SGCZ: variants seen among roughly 807,000 people sequenced by gnomAD.
SGCZ encodes zeta-sarcoglycan.
SGCZ carries 40 observed loss-of-function variants against 41.3 expected under a neutral mutation model. The observed-to-expected ratio is 0.97, with a 90% CI of 0.75 to 1.26. The LOEUF (loss-of-function observed/expected upper bound fraction) is 1.26, where lower values mean the gene tolerates loss of function less well. Ranked by LOEUF, SGCZ falls within the 50% of genes most tolerant of loss-of-function variation. The pLI is 0.00. For missense variants in SGCZ, 552 were observed against 369.8 expected (o/e 1.49, Z -4.04); for synonymous variants, 206 against 137.5 (o/e 1.50, Z -3.49).
chr8:15,209,312 T>C (rs1044847149), intron 1 of SGCZ, among the ~76,000 whole-genome samples: 4 of 152,080 alleles, frequency 2.6e-5, no homozygotes, highest in Non-Finnish European at 5.9e-5. Flanking sequence ...GAGAATTCTC[T>C]TGTAAGAGAC....
intron 4 of SGCZ, among the ~76,000 whole-genome samples, chr8:14,225,468 T>C (rs1181046285): frequency 7.1e-6 from 1 of 141,152 alleles, no homozygotes; most frequent in Non-Finnish European, 1.6e-5. Context: ...ACTTAGTGTT[T>C]TTAAAATACC....
chr8:14,996,741 T>C (rs78747048), intron 1 of SGCZ, among the ~76,000 whole-genome samples: 3,366 of 152,284 alleles, frequency 0.022, 143 homozygotes, highest in African/African-American at 0.076. Context: ...TCCAAGGTCT[T>C]GGTTGTCCGT....
chr8:14,892,702 T>C, intron 1 of SGCZ, among the ~76,000 whole-genome samples: 1 of 152,192 alleles, frequency 6.6e-6, no homozygotes, highest in East Asian at 1.9e-4. Context: ...AAAATTATGA[T>C]CAACACTTTT....
At chr8:15,191,368 C>G (rs1018508129) in intron 1 of SGCZ, among the ~76,000 whole-genome samples, 1 of 151,992 alleles carries the variant, frequency 6.6e-6, no homozygotes. Context: ...AAACTTGTAA[C>G]AAATGATGTA....
intron 2 of SGCZ, among the ~76,000 whole-genome samples, chr8:14,465,980 C>T (rs150777284): frequency 5.9e-5 from 9 of 151,878 alleles, no homozygotes. Context: ...ATGTACAAAA[C>T]AAACAGTAGA....
At chr8:14,753,174 C>G (rs764793852) in intron 1 of SGCZ, among the ~76,000 whole-genome samples, 3 of 152,144 alleles carry the variant, frequency 2.0e-5, no homozygotes, top group Non-Finnish European at 4.4e-5. Flanking sequence ...GATACTTGGC[C>G]TGTTTCTTCC....
chr8:15,076,750 TC>T lies in SGCZ; in HGVS notation c.39+160834del, dbSNP rs1479354838. Among the ~76,000 whole-genome samples, 89 of 139,336 alleles carry T rather than the reference TC, an allele frequency of 6.4e-4. 2 individuals are homozygous for T. Among genetic ancestry groups the T allele is most frequent in the African/African-American group, 2.5e-3 (84 of 33,520 alleles). The allele number at this position is 139,336 out of a possible 152,430, so 91.4% of individuals were successfully genotyped here. On this transcript the variant is annotated intron_variant, in intron 1 of 7. Coordinates refer to ENST00000382080, the MANE Select transcript of SGCZ (RefSeq NM_139167.4). ...CACTCAAGGAACTTAAATAAGTCTC[TC>T]TCATTTTTTTTTTTTTTTTGCTTCC...
chr8:14,277,137 T>C (rs925669840), intron 3 of SGCZ, among the ~76,000 whole-genome samples: 4 of 152,194 alleles, frequency 2.6e-5, no homozygotes, highest in African/African-American at 7.2e-5. Context: ...TCTGGTTTCC[T>C]CTCACATATT....
chr8:14,279,838 AT>A (rs150264255), intron 3 of SGCZ, among the ~76,000 whole-genome samples: 18 of 149,912 alleles, frequency 1.2e-4, no homozygotes, highest in Admixed American at 1.3e-4. Flanking sequence ...TTCATGCTCC[AT>A]TTTTTTTTTC....
At chr8:14,356,307 G>C (rs140012597) in intron 2 of SGCZ, among the ~76,000 whole-genome samples, 2 of 152,166 alleles carry the variant, frequency 1.3e-5, no homozygotes, top group East Asian at 3.9e-4. Context: ...AAGAGCCTCT[G>C]TGTATCAGTT....
rs538026255 is a variant in SGCZ at position 15,078,765 on chromosome 8, TATA to T, written c.39+158817_39+158819del. ...CACATACATATATATACTTATCCAC[TATA>T]TGGTCTTTGACTTATCTGGATTTCC... On this transcript the variant is annotated intron_variant, in intron 1 of 7. Transcript: ENST00000382080. 1.8e-3 allele frequency among the ~76,000 whole-genome samples: 274 copies of T among 152,210 alleles called. 1 individual carries two copies. Among genetic ancestry groups the T allele is most frequent in the African/African-American group, 6.2e-3 (256 of 41,528 alleles).
intron 1 of SGCZ, among the ~76,000 whole-genome samples, chr8:15,076,903 G>T (rs1258350988): frequency 1.3e-5 from 2 of 151,964 alleles, no homozygotes; most frequent in Non-Finnish European, 2.9e-5. Context: ...ATACCATTTT[G>T]GCAAAAACCT....
chr8:14,419,193 C>T (rs544169533), intron 2 of SGCZ, among the ~76,000 whole-genome samples: 16 of 151,926 alleles, frequency 1.1e-4, no homozygotes, highest in African/African-American at 3.1e-4. Context: ...CTACTCAATT[C>T]AGAAGCTAAA....
chr8:14,475,034 A>G (rs181217377), intron 2 of SGCZ, among the ~76,000 whole-genome samples: 9 of 152,300 alleles, frequency 5.9e-5, no homozygotes, highest in African/African-American at 1.9e-4. Flanking sequence ...CAGGCTGTGG[A>G]CTTATCCAAT....
At chr8:14,309,392 G>C in intron 3 of SGCZ, 1 of 1,605,712 alleles carries the variant, frequency 6.2e-7, no homozygotes, top group Non-Finnish European at 8.5e-7. Flanking sequence ...GAGACGAAGT[G>C]ACCTCGATCG....
At chr8:14,909,224 A>C (rs1223515855) in intron 1 of SGCZ, among the ~76,000 whole-genome samples, 1 of 152,228 alleles carries the variant, frequency 6.6e-6, no homozygotes, top group Non-Finnish European at 1.5e-5. Context: ...GGCTTGTTAC[A>C]TGCATTCACC....
intron 1 of SGCZ, among the ~76,000 whole-genome samples, chr8:14,693,131 A>G (rs1211631608): frequency 1.3e-5 from 2 of 152,310 alleles, no homozygotes; most frequent in East Asian, 1.9e-4. Context: ...AGATTAAGTA[A>G]ATTGTTAGAT....
At chr8:14,865,587 C>T (rs748215655) in intron 1 of SGCZ, among the ~76,000 whole-genome samples, 8 of 152,068 alleles carry the variant, frequency 5.3e-5, no homozygotes, top group South Asian at 4.1e-4. Context: ...GCATTCTCCA[C>T]GAATTAACCC....
At chr8:14,576,804 C>T (rs947342919) in intron 1 of SGCZ, among the ~76,000 whole-genome samples, 3 of 152,140 alleles carry the variant, frequency 2.0e-5, no homozygotes, top group Non-Finnish European at 4.4e-5. Flanking sequence ...GGTATAATAG[C>T]TGCTCAACAG....
Sources: allele counts gnomAD v4.1 joint callset (sites outside exome capture counted in the v4.1 genomes callset), GRCh38; gene constraint gnomAD v4.1.1; transcripts MANE v1.5; gene names NCBI Gene and HGNC (gene_info 2026-07-23, HGNC 2026-07-21).